Variants in MPP3 observed in about 807,000 individuals in gnomAD.
MPP3 encodes MAGUK p55 scaffold protein 3, also known as MAGUK p55 subfamily member 3.
MPP3 carries 48 observed loss-of-function variants against 80.7 expected under a neutral mutation model. The ratio of observed to expected loss-of-function variants is 0.59; its 90% confidence interval spans 0.47 to 0.76. The LOEUF (loss-of-function observed/expected upper bound fraction) is 0.76. MPP3 is among the 30% of genes least tolerant of loss of function. MPP3 has a pLI of 0.00. For missense variants in MPP3, 620 were observed against 763.0 expected (o/e 0.81, Z 2.21); for synonymous variants, 311 against 297.6 (o/e 1.04, Z -0.46).
intron 7 of MPP3, among the ~76,000 whole-genome samples, chr17:43,828,730 T>G (rs2045827598): frequency 6.6e-6 from 1 of 152,218 alleles, no homozygotes; most frequent in African/African-American, 2.4e-5. Context: ...TAATTATTGC[T>G]AGAAAGAGAG....
chr17:43,818,833 G>A (rs574979222), intron 11 of MPP3, among the ~76,000 whole-genome samples: 24 of 152,038 alleles, frequency 1.6e-4, no homozygotes, highest in Non-Finnish European at 2.9e-5. Flanking sequence ...GGCTGAGGCA[G>A]GAGAATCCAG....
At chr17:43,822,678 TAA>T (rs56125167) in intron 10 of MPP3, among the ~76,000 whole-genome samples, 2 of 59,048 alleles carry the variant, frequency 3.4e-5, no homozygotes, top group East Asian at 5.8e-4. Flanking sequence ...ACTCCCATCC[TAA>T]AAAAAAAAAA....
At position 43,831,892 on chromosome 17, in the gene MPP3, C is replaced by T. The variant is rs761503120; in HGVS notation, c.15G>A (p.Ser5=). 4.8e-5 allele frequency: 77 copies of T among 1,611,380 alleles called. 1 individual carries two copies. Among genetic ancestry groups the T allele is most frequent in the Admixed American group, 3.2e-4 (19 of 59,250 alleles). The change falls in exon 3 of 20, where the codon TCG becomes TCA. Residue 5 remains serine (S), a synonymous_variant. Transcript: ENST00000398389. ...GGGGGAGGTACTTACCAGAGTCCTC[C>T]GATAGCACTGGCATGCTGGCGTTGT... is the stretch of plus-strand genomic sequence containing the variant. The part of the protein sequence containing the change: MPVL[S]EDSGLHETLA...
chr17:43,813,273 T>C (rs759954422), intron 16 of MPP3, among the ~76,000 whole-genome samples: 7 of 152,246 alleles, frequency 4.6e-5, no homozygotes, highest in South Asian at 2.1e-4. Flanking sequence ...CTGTGTGACA[T>C]TGGACAAGTT....
rs763225159 is a variant in MPP3, at chr17:43,808,916, CTTAGGCCTTCA to C, written c.1581+29_1581+39del. ...TAGAAGCGTTCCTGTAACAGCCTCCCTTAGGCCTTCAGAAAAGAAACAATCAACTTTAAACT... is the reference window on the plus strand; with the variant it reads ...TAGAAGCGTTCCTGTAACAGCCTCCCGAAAAGAAACAATCAACTTTAAACT... On this transcript the variant is annotated intron_variant, in intron 19 of 19. Coordinates refer to ENST00000398389, the MANE Select transcript of MPP3 (RefSeq NM_001932.6). 8 of 1,578,948 alleles carry C rather than the reference CTTAGGCCTTCA, an allele frequency of 5.1e-6. No homozygotes were observed. In the South Asian group the frequency reaches 9.5e-5, roughly 19 times the overall value.
intron 5 of MPP3, among the ~76,000 whole-genome samples, chr17:43,830,469 C>T (rs1423033826): frequency 1.3e-5 from 2 of 152,212 alleles, no homozygotes; most frequent in African/African-American, 4.8e-5. Flanking sequence ...AGCTCATATA[C>T]AGCACAGCTA....
rs113789786 is a variant in MPP3 at position 43,801,854 on chromosome 17, G to A, written c.1605C>T (p.Ala535=). The A allele has an allele frequency of 6.0e-3, 9,651 of 1,613,036 alleles. 37 individuals are homozygous for A. The highest frequency in any genetic ancestry group is 7.5e-3 in the Non-Finnish European group (8,898 of 1,179,666). The change falls in exon 20 of 20, where the codon GCC becomes GCT. Residue 535 remains alanine, a synonymous_variant. Transcript: ENST00000398389. ...GCCGGTCTATGAAGGCGGCAGAAGC[G>A]GCCATCTCTTGCTGCTGCTCATCCT... ...APFDEQQQEM[A]ASAAFIDRHY... is the part of the protein sequence containing the mutation.
intron 16 of MPP3, 117 bp downstream of exon 16, chr17:43,813,894 G>T: frequency 1.1e-6 from 1 of 873,610 alleles, no homozygotes; most frequent in Non-Finnish European, 1.8e-6. Flanking sequence ...ATAGCAGGCA[G>T]TGCCTGGTGA....
intron 16 of MPP3, among the ~76,000 whole-genome samples, chr17:43,813,425 C>T (rs1369571167): frequency 6.6e-6 from 1 of 152,194 alleles, no homozygotes; most frequent in Non-Finnish European, 1.5e-5. Context: ...CATTCTCCTC[C>T]TCCTCATCCT....
intron 16 of MPP3, among the ~76,000 whole-genome samples, chr17:43,812,442 T>G (rs1305620734): frequency 6.6e-6 from 1 of 152,310 alleles, no homozygotes; most frequent in East Asian, 1.9e-4. Flanking sequence ...GCTGAGTATC[T>G]GAGACCTGCG....
chr17:43,821,115 A>G, intron 10 of MPP3, 57 bp from the exon 11 acceptor site: 2 of 1,551,326 alleles, frequency 1.3e-6, no homozygotes, highest in Non-Finnish European at 1.8e-6. Context: ...CAGACAGGTC[A>G]TTGTCACATC....
At chr17:43,826,546 C>T (rs1305638526) in intron 8 of MPP3, among the ~76,000 whole-genome samples, 2 of 152,196 alleles carry the variant, frequency 1.3e-5, no homozygotes, top group African/African-American at 4.8e-5. Context: ...TTGGGGGTAA[C>T]ATCGCCCTAT....
At chr17:43,820,424 T>G (rs2045377019) in intron 11 of MPP3, among the ~76,000 whole-genome samples, 1 of 151,850 alleles carries the variant, frequency 6.6e-6, no homozygotes, top group South Asian at 2.1e-4. Context: ...AAACCCTGTC[T>G]CTACTAAAAA....
chr17:43,825,867 A>G, intron 8 of MPP3, 26 bp from the exon 9 acceptor site: 1 of 1,461,450 alleles, frequency 6.8e-7, no homozygotes, highest in Non-Finnish European at 9.6e-7. Context: ...ACTGACCATC[A>G]GCACAGGAGG....
intron 8 of MPP3, among the ~76,000 whole-genome samples, chr17:43,827,085 G>A (rs187807045): frequency 5.3e-5 from 8 of 151,950 alleles, no homozygotes; most frequent in Middle Eastern, 3.4e-3. Context: ...GCGCGATCTC[G>A]GCTCACTGCA....
intron 5 of MPP3, among the ~76,000 whole-genome samples, chr17:43,830,893 T>C (rs951470442): frequency 6.6e-6 from 1 of 152,222 alleles, no homozygotes; most frequent in Non-Finnish European, 1.5e-5. Flanking sequence ...ACAGACATAA[T>C]GTCTTATTGA....
rs2066725 is a variant in MPP3, at chr17:43,814,105, A to G, written c.1175-14T>C. On this transcript the variant is annotated splice_polypyrimidine_tract_variant and intron_variant, in intron 15 of 19. Transcript: ENST00000398389. ...CTCCCAGAGACCCTGGGAAACAAGA[A>G]GAAGGCTGACCAGGGTCCCTGCTGA... The G allele has an allele frequency of 0.22, 355,801 of 1,607,410 alleles. 44,763 individuals are homozygous for G. Among genetic ancestry groups the G allele is most frequent in the African/African-American group, 0.52 (38,750 of 74,798 alleles).
In MPP3 at chr17:43,810,818, C is replaced by A. The variant is rs191293365; in HGVS notation, c.1447G>T (p.Val483Leu). 3.7e-6 allele frequency: 6 copies of A among 1,606,342 alleles called. No individual in the cohort carries two copies. The African/African-American group carries it at 8.1e-5, about 22-fold the overall frequency. Residue 483 changes from valine to leucine, a missense_variant, in exon 18 of 20, where the codon GTG becomes TTG. Coordinates refer to ENST00000398389, the MANE Select transcript of MPP3 (RefSeq NM_001932.6). ...GCCCAGCAACTCACTTCTGGCTCCA[C>A]ATCCACCAAACAAACTTTGTTTTTG... Reference protein sequence around the residue: ...MAKNKVCLVDVEPEALKQLRT... With the variant: ...MAKNKVCLVDLEPEALKQLRT...
chr17:43,827,730 C>T (rs1349717254), intron 8 of MPP3, 21 bp downstream of exon 8: 3 of 1,607,866 alleles, frequency 1.9e-6, no homozygotes, highest in Admixed American at 3.3e-5. Flanking sequence ...GCTGGGCCAG[C>T]TTTGCACTGC....
Sources: gnomAD v4.1 joint callset for allele counts (sites outside exome capture counted in the v4.1 genomes callset) on GRCh38, gnomAD v4.1.1 for gene constraint, MANE v1.5 for transcripts, NCBI Gene and HGNC (gene_info 2026-07-23, HGNC 2026-07-21) for gene names.